UGT2B7: variants seen among roughly 807,000 people sequenced by gnomAD.
UGT2B7 encodes UDP glucuronosyltransferase family 2 member B7, also known as UDP-glucuronosyltransferase 2B7.
Under a neutral mutation model 51.9 loss-of-function variants are expected in UGT2B7, and 51 were observed. The ratio of observed to expected loss-of-function variants is 0.98; its 90% confidence interval spans 0.78 to 1.24. The LOEUF (loss-of-function observed/expected upper bound fraction) is 1.24, where lower values mean the gene tolerates loss of function less well. UGT2B7 is among the 50% of genes most tolerant of loss of function. The pLI is 0.00. For synonymous variants in UGT2B7, 225 were observed against 211.6 expected, an observed-to-expected ratio of 1.06 and a Z score of -0.55; for missense variants, 727 against 628.4, an observed-to-expected ratio of 1.16 and a Z score of -1.68.
chr4:69,090,385 AAAC>A (rs1298469531), intron 2 of UGT2B7, among the ~76,000 whole-genome samples: 1 of 152,152 alleles, frequency 6.6e-6, no homozygotes, highest in Non-Finnish European at 1.5e-5. Context: ...TTCCCATAAA[AAAC>A]AAATTATGTG....
At chr4:69,076,620 T>C (rs1718713134) in intron 1 of UGT2B7, among the ~76,000 whole-genome samples, 1 of 152,230 alleles carries the variant, frequency 6.6e-6, no homozygotes, top group African/African-American at 2.4e-5. Flanking sequence ...ACCCACTTTT[T>C]GATAGGGTTG....
At chr4:69,090,585 A>T (rs527700885) in intron 2 of UGT2B7, among the ~76,000 whole-genome samples, 1 of 152,284 alleles carries the variant, frequency 6.6e-6, no homozygotes, top group East Asian at 1.9e-4. Context: ...AAGTTTTTCT[A>T]TGAGGAGAAA....
intron 1 of UGT2B7, among the ~76,000 whole-genome samples, chr4:69,056,893 T>C (rs1418620848): frequency 2.6e-5 from 4 of 152,210 alleles, no homozygotes. Flanking sequence ...TATTATTTTA[T>C]ATTGTTTTAT....
Position 69,096,683 on chromosome 4 carries a change from G to T in UGT2B7, c.163G>T (p.Val55Leu), listed in dbSNP as rs201563351. Residue 55 changes from valine to leucine, a missense_variant, in exon 1 of 6, where the codon GTA becomes TTA. By Grantham distance (32) the Val-to-Leu change is conservative. Transcript: ENST00000305231. ...TATTCAGAGAGGTCATGAGGTGACT[G>T]TACTGGCATCTTCAGCTTCCATTCT... ...ELIQRGHEVTVLASSASILFD... is the reference protein window; with the variant it reads ...ELIQRGHEVTLLASSASILFD... The T allele has an allele frequency of 5.3e-5, 85 of 1,613,898 alleles. No homozygotes were observed. Among genetic ancestry groups the T allele is most frequent in the Non-Finnish European group, 6.8e-6 (8 of 1,179,940 alleles).
At chr4:69,107,110 A>G in intron 3 of UGT2B7, 65 bp from the exon 4 acceptor site, 2 of 1,511,838 alleles carry the variant, frequency 1.3e-6, no homozygotes, top group South Asian at 1.2e-5. Flanking sequence ...CTCTTTATAC[A>G]GTTCTCACAT....
At chr4:69,064,264 C>CA (rs920904352) in intron 1 of UGT2B7, among the ~76,000 whole-genome samples, 49 of 152,124 alleles carry the variant, frequency 3.2e-4, no homozygotes, top group Non-Finnish European at 7.4e-5. Context: ...GGAGATGCAC[C>CA]AAAAAAATGT....
At chr4:69,053,615 T>C (rs1461275579) in intron 1 of UGT2B7, among the ~76,000 whole-genome samples, 1 of 152,212 alleles carries the variant, frequency 6.6e-6, no homozygotes, top group Non-Finnish European at 1.5e-5. Context: ...TGCTATATCC[T>C]GAAGTCCCTG....
chr4:69,058,165 A>G (rs1355436388), intron 1 of UGT2B7, among the ~76,000 whole-genome samples: 1 of 152,226 alleles, frequency 6.6e-6, no homozygotes, highest in East Asian at 1.9e-4. Context: ...TGGCAAACAC[A>G]GAGACAAAAA....
intron 1 of UGT2B7, among the ~76,000 whole-genome samples, chr4:69,069,102 T>TA (rs372073567): frequency 5.8e-4 from 82 of 140,432 alleles, no homozygotes; most frequent in Middle Eastern, 3.6e-3. Flanking sequence ...ACAGATACTT[T>TA]AAAAAAAAAA....
At chr4:69,056,670 G>A (rs974758900) in intron 1 of UGT2B7, among the ~76,000 whole-genome samples, 21 of 152,156 alleles carry the variant, frequency 1.4e-4, no homozygotes, top group African/African-American at 1.9e-4. Context: ...CCTACTTACC[G>A]CTCCTTTGTT....
chr4:69,073,488 C>G (rs998582558), intron 1 of UGT2B7, among the ~76,000 whole-genome samples: 2 of 152,062 alleles, frequency 1.3e-5, no homozygotes, highest in African/African-American at 4.8e-5. Context: ...TTCATCATGA[C>G]AGTGGCTCAG....
chr4:69,091,050 T>C (rs1719073272), intron 2 of UGT2B7, among the ~76,000 whole-genome samples: 1 of 152,176 alleles, frequency 6.6e-6, no homozygotes, highest in Admixed American at 6.6e-5. Flanking sequence ...CTGTTCTTTA[T>C]TGGAAAATCC....
intron 1 of UGT2B7, among the ~76,000 whole-genome samples, chr4:69,062,179 T>C (rs556020532): frequency 6.6e-6 from 1 of 152,318 alleles, no homozygotes; most frequent in South Asian, 2.1e-4. Flanking sequence ...GAAACTCATC[T>C]GAGGTGGGAC....
upstream of UGT2B7, among the ~76,000 whole-genome samples, chr4:69,091,808 A>G (rs1196720177): frequency 6.6e-6 from 1 of 152,224 alleles, no homozygotes; most frequent in African/African-American, 2.4e-5. Flanking sequence ...CAAAGTAACA[A>G]TGTTTACTTA....
chr4:69,096,369 C>A, upstream of UGT2B7: 1 of 1,235,860 alleles, frequency 8.1e-7, no homozygotes, highest in Non-Finnish European at 1.1e-6. Context: ...CTTTGCCATC[C>A]ACATGCTCAG....
At chr4:69,097,706 G>T (rs62296959) in intron 1 of UGT2B7, among the ~76,000 whole-genome samples, 6 of 151,852 alleles carry the variant, frequency 4.0e-5, no homozygotes, top group East Asian at 1.9e-4. Context: ...TTACCAGAAG[G>T]TTTCCTTCAC....
intron 5 of UGT2B7, among the ~76,000 whole-genome samples, chr4:69,111,166 A>G (rs868037196): frequency 1.3e-5 from 2 of 152,270 alleles, no homozygotes; most frequent in Non-Finnish European, 2.9e-5. Flanking sequence ...GCTTAAAGTA[A>G]AATAGAAGGC....
At chr4:69,104,166 G>C (rs901807174) in intron 3 of UGT2B7, among the ~76,000 whole-genome samples, 4 of 152,028 alleles carry the variant, frequency 2.6e-5, no homozygotes, top group Admixed American at 2.6e-4. Flanking sequence ...ACACACCTGT[G>C]ATCACAGCTA....
At chr4:69,095,290 A>G (rs1350946426), upstream of UGT2B7, among the ~76,000 whole-genome samples, 1 of 152,170 alleles carries the variant, frequency 6.6e-6, no homozygotes, top group Non-Finnish European at 1.5e-5. Flanking sequence ...ATAGGCTGGA[A>G]AATTTGGGTA....
Sources: allele counts gnomAD v4.1 joint callset (sites outside exome capture counted in the v4.1 genomes callset), GRCh38; gene constraint gnomAD v4.1.1; transcripts MANE v1.5; gene names NCBI Gene and HGNC (gene_info 2026-07-23, HGNC 2026-07-21).